The following ZFC3H1 variants were observed in gnomAD, a reference collection of about 807,000 sequenced individuals.
ZFC3H1 encodes zinc finger C3H1 domain-containing protein.
A neutral mutation model predicts 243.7 loss-of-function variants in ZFC3H1; 71 were observed. That is an observed-to-expected ratio of 0.29 (90% CI 0.24 to 0.36). ZFC3H1 has a LOEUF of 0.36. ZFC3H1 is among the 10% of genes least tolerant of loss of function. The pLI, the probability that ZFC3H1 is intolerant of heterozygous loss-of-function variation, is 1.00. For synonymous variants in ZFC3H1, 838 were observed against 813.0 expected (o/e 1.03, Z -0.52); for missense variants, 1,966 against 2,317.1 (o/e 0.85, Z 3.11).
chr12:71,630,491 A>G, intron 18 of ZFC3H1, 109 bp downstream of exon 18: 2 of 1,382,390 alleles, frequency 1.4e-6, no homozygotes, highest in Non-Finnish European at 1.9e-6. Context: ...ATTATGGGTA[A>G]ATACACTGAA....
intron 27 of ZFC3H1, among the ~76,000 whole-genome samples, chr12:71,618,910 TA>T (rs1206312420): frequency 2.0e-5 from 3 of 151,830 alleles, no homozygotes; most frequent in Non-Finnish European, 4.4e-5. Context: ...TCTTCAGAAT[TA>T]AAAAAAGAAA....
intron 5 of ZFC3H1, among the ~76,000 whole-genome samples, chr12:71,643,184 C>T (rs1010419961): frequency 5.9e-5 from 9 of 151,740 alleles, no homozygotes; most frequent in Admixed American, 2.0e-4. Flanking sequence ...TGGCCTGGCG[C>T]GGTGGCTCAT....
chr12:71,644,372 T>A, intron 4 of ZFC3H1, 54 bp from the exon 5 acceptor site: 1 of 1,536,336 alleles, frequency 6.5e-7, no homozygotes, highest in Non-Finnish European at 8.8e-7. Flanking sequence ...AAAAGAAAAA[T>A]AAGAGTCTTA....
At chr12:71,639,203 C>T (rs551657588) in intron 6 of ZFC3H1, among the ~76,000 whole-genome samples, 1 of 152,302 alleles carries the variant, frequency 6.6e-6, no homozygotes, top group East Asian at 1.9e-4. Context: ...ACTCTTACTA[C>T]CCTACCCACT....
At chr12:71,624,366 A>C in intron 22 of ZFC3H1, 74 bp from the exon 23 acceptor site, 3 of 1,394,080 alleles carry the variant, frequency 2.2e-6, no homozygotes, top group Non-Finnish European at 2.9e-6. Context: ...TTCACATTTC[A>C]TTAAGAAACC....
chr12:71,632,823 C>T, intron 14 of ZFC3H1, 63 bp downstream of exon 14: 1 of 1,586,170 alleles, frequency 6.3e-7, no homozygotes, highest in South Asian at 1.2e-5. Context: ...TACATCTTAC[C>T]CTTAAAACTA....
chr12:71,661,680 C>T (rs534338152), intron 1 of ZFC3H1, among the ~76,000 whole-genome samples: 109 of 151,968 alleles, frequency 7.2e-4, no homozygotes, highest in African/African-American at 2.6e-3. Context: ...CAAGGTTTCA[C>T]CATGTTGGCC....
intron 2 of ZFC3H1, among the ~76,000 whole-genome samples, chr12:71,652,050 T>G (rs546922281): frequency 6.6e-6 from 1 of 152,202 alleles, no homozygotes; most frequent in South Asian, 2.1e-4. Context: ...CGGACAATAA[T>G]AAAGGTTGAG....
chr12:71,636,754 G>A, intron 8 of ZFC3H1, 96 bp downstream of exon 8: 2 of 1,555,572 alleles, frequency 1.3e-6, no homozygotes, highest in Non-Finnish European at 1.7e-6. Flanking sequence ...CCACTTTGCT[G>A]AAAAGCCCAA....
At chr12:71,633,182 T>C in intron 13 of ZFC3H1, 82 bp downstream of exon 13, 2 of 1,438,378 alleles carry the variant, frequency 1.4e-6, no homozygotes, top group Non-Finnish European at 1.9e-6. Context: ...CTGGCTTTAG[T>C]ATACAGTGGT....
chr12:71,656,923 G>C lies in ZFC3H1; in HGVS notation c.977C>G (p.Pro326Arg), dbSNP rs1382807381. The change falls in exon 2 of 35, where the codon CCA (proline) becomes CGA (arginine). Residue 326 changes from proline to arginine, a missense_variant. Around this residue, in one of 4 missense-constraint regions of ZFC3H1, gnomAD observed 484 missense variants for 449.7 expected, o/e 1.08. Transcript: ENST00000378743. ...RLKKVKDGAK[P>R]LSLKSDTTDS... ...AGTAGTGTCGGATTTCAGGGAAAGT[G>C]GTTTTGCTCCATCTTTAACTTTTTT... 1 of 1,613,238 alleles carries C rather than the reference G, an allele frequency of 6.2e-7. No homozygotes were observed. Among genetic ancestry groups the C allele is most frequent in the African/African-American group, 1.3e-5 (1 of 74,966 alleles).
intron 22 of ZFC3H1, among the ~76,000 whole-genome samples, chr12:71,625,260 G>C (rs903915021): frequency 6.6e-6 from 1 of 152,154 alleles, no homozygotes; most frequent in Non-Finnish European, 1.5e-5. Context: ...GTAAGTAAAT[G>C]ACAGATTTGA....
intron 6 of ZFC3H1, among the ~76,000 whole-genome samples, chr12:71,642,158 A>C (rs1248755250): frequency 6.6e-6 from 1 of 152,126 alleles, no homozygotes; most frequent in Non-Finnish European, 1.5e-5. Context: ...CCCAATCTTC[A>C]CTTTCTAGAG....
At chr12:71,644,804 G>C (rs1315434273) in intron 4 of ZFC3H1, 73 bp downstream of exon 4, 3 of 1,533,304 alleles carry the variant, frequency 2.0e-6, no homozygotes, top group Admixed American at 3.9e-5. Flanking sequence ...GGCGACAAGA[G>C]CAAAACTCTG....
chr12:71,661,330 T>C (rs1231656744), intron 1 of ZFC3H1, among the ~76,000 whole-genome samples: 4 of 151,796 alleles, frequency 2.6e-5, no homozygotes, highest in Non-Finnish European at 4.4e-5. Flanking sequence ...ATAAAAACCA[T>C]ACACATATAT....
In ZFC3H1 at chr12:71,631,974, G is replaced by T; in HGVS notation, c.3358C>A (p.Gln1120Lys). The T allele has an allele frequency of 6.2e-7, 1 of 1,600,818 alleles. No homozygotes were observed. Among genetic ancestry groups the T allele is most frequent in the South Asian group, 1.1e-5 (1 of 88,764 alleles). Residue 1120 changes from glutamine to lysine, a missense_variant and splice_region_variant, in exon 15 of 35, where the codon CAG becomes AAG. Gln to Lys is a moderately conservative substitution (Grantham distance 53, BLOSUM62 1). Around this residue, in one of 4 missense-constraint regions of ZFC3H1, gnomAD observed 1,383 missense variants for 1,723.7 expected, o/e 0.80. Transcript: ENST00000378743. ...GAAAATATGAAATGTTCAGTTACCTGACCATGCAAAACCTTCTCTGTAATG... is the reference window on the plus strand; with the variant it reads ...GAAAATATGAAATGTTCAGTTACCTTACCATGCAAAACCTTCTCTGTAATG... Reference protein sequence around the residue: ...TGITEKVLHGQEISVDVDFVT... With the variant: ...TGITEKVLHGKEISVDVDFVT...
At chr12:71,649,185 T>C (rs145513724) in intron 2 of ZFC3H1, among the ~76,000 whole-genome samples, 231 of 151,114 alleles carry the variant, frequency 1.5e-3, no homozygotes, top group Non-Finnish European at 2.8e-3. Context: ...AGAGAAACAC[T>C]AAGAATGCAG....
chr12:71,626,543 C>T, intron 21 of ZFC3H1, 97 bp from the exon 22 acceptor site: 1 of 1,096,764 alleles, frequency 9.1e-7, no homozygotes, highest in Non-Finnish European at 1.2e-6. Context: ...ATTCCATTTT[C>T]TACTAGAATT....
chr12:71,619,349 C>T lies in ZFC3H1; in HGVS notation c.5110G>A (p.Gly1704Arg). The T allele has an allele frequency of 6.2e-7, 1 of 1,613,562 alleles. No individual in the cohort carries two copies. The highest frequency in any genetic ancestry group is 1.1e-5 in the South Asian group (1 of 91,028). ...RKFIASFFKP[G>R]FEKYNNLDLF... ...TCCAAGTTATTATACTTCTCAAACC[C>T]CGGTTTAAAGAAGGATGCAATAAAT... The change falls in exon 27 of 35, where the codon GGG (glycine) becomes AGG (arginine). Residue 1704 changes from glycine to arginine, a missense_variant. Coordinates refer to ENST00000378743, the MANE Select transcript of ZFC3H1 (RefSeq NM_144982.5).
Sources: allele counts gnomAD v4.1 joint callset (sites outside exome capture counted in the v4.1 genomes callset), GRCh38; gene constraint gnomAD v4.1.1; regional missense constraint gnomAD v4.1.1; transcripts MANE v1.5; gene names NCBI Gene and HGNC (gene_info 2026-07-23, HGNC 2026-07-21).